IMMP2L: variants seen among roughly 807,000 people sequenced by gnomAD.
The protein encoded by IMMP2L is mitochondrial inner membrane protease subunit 2.
Under a neutral mutation model 19.3 loss-of-function variants are expected in IMMP2L, and 18 were observed. That is an observed-to-expected ratio of 0.93 (90% CI 0.64 to 1.38). IMMP2L has a LOEUF of 1.38. IMMP2L is among the 40% of genes most tolerant of loss of function. The probability of loss-of-function intolerance (pLI) is 0.00; values close to 1 mark genes in which losing one functional copy is unlikely to be tolerated. For missense variants in IMMP2L, 233 were observed against 218.2 expected (o/e 1.07, Z -0.43); for synonymous variants, 76 against 73.0 (o/e 1.04, Z -0.21).
At chr7:110,992,375 C>G (rs1822572046) in intron 3 of IMMP2L, among the ~76,000 whole-genome samples, 1 of 151,760 alleles carries the variant, frequency 6.6e-6, no homozygotes, top group Admixed American at 6.6e-5. Flanking sequence ...CATAACATAA[C>G]TAGATTTGAT....
intron 3 of IMMP2L, among the ~76,000 whole-genome samples, chr7:111,170,521 G>C (rs1748107864): frequency 6.6e-6 from 1 of 151,788 alleles, no homozygotes; most frequent in Admixed American, 6.6e-5. Context: ...AAGAAATAAA[G>C]CCTGTGGCAG....
intron 3 of IMMP2L, among the ~76,000 whole-genome samples, chr7:111,104,722 C>T (rs535705120): frequency 1.3e-5 from 2 of 151,774 alleles, no homozygotes; most frequent in East Asian, 1.9e-4. Flanking sequence ...TTGTCACAAG[C>T]GATGAGATGT....
At chr7:110,798,923 A>G (rs1323887282) in intron 5 of IMMP2L, among the ~76,000 whole-genome samples, 11 of 152,030 alleles carry the variant, frequency 7.2e-5, no homozygotes, top group Admixed American at 7.2e-4. Flanking sequence ...CCTCTTGCAG[A>G]TAATATAGAA....
At chr7:111,214,331 C>CTTTTTTTTT (rs1169450523) in intron 3 of IMMP2L, among the ~76,000 whole-genome samples, 6 of 82,190 alleles carry the variant, frequency 7.3e-5, no homozygotes, top group African/African-American at 2.1e-4. Flanking sequence ...AATTTTTCTT[C>CTTTTTTTTT]TTTTTTTTTT....
At chr7:111,315,259 G>A (rs939440980) in intron 3 of IMMP2L, among the ~76,000 whole-genome samples, 6 of 152,048 alleles carry the variant, frequency 3.9e-5, no homozygotes, top group African/African-American at 1.2e-4. Flanking sequence ...GTCCTGCAGA[G>A]AGAAGTCCAA....
chr7:111,201,278 C>CAA (rs1810078053), intron 3 of IMMP2L, among the ~76,000 whole-genome samples: 5 of 138,048 alleles, frequency 3.6e-5, no homozygotes, highest in African/African-American at 1.2e-4. Flanking sequence ...CGTATCAAAT[C>CAA]CAAAAAAAAA....
chr7:111,297,657 G>A (rs370014727), intron 3 of IMMP2L, among the ~76,000 whole-genome samples: 2 of 152,012 alleles, frequency 1.3e-5, no homozygotes, highest in South Asian at 2.1e-4. Flanking sequence ...TAGAAACAAC[G>A]AAAATATCCA....
At chr7:111,033,275 C>G (rs1791015057) in intron 3 of IMMP2L, among the ~76,000 whole-genome samples, 1 of 152,046 alleles carries the variant, frequency 6.6e-6, no homozygotes, top group African/African-American at 2.4e-5. Context: ...CAATTAGATA[C>G]TATTACACAT....
At chr7:111,314,267 C>T (rs1280620461) in intron 3 of IMMP2L, among the ~76,000 whole-genome samples, 1 of 151,966 alleles carries the variant, frequency 6.6e-6, no homozygotes, top group Admixed American at 6.6e-5. Context: ...TATTTCAGAT[C>T]AGAAAAACAG....
chr7:111,120,448 A>T (rs1800455044), intron 3 of IMMP2L, among the ~76,000 whole-genome samples: 1 of 152,052 alleles, frequency 6.6e-6, no homozygotes, highest in South Asian at 2.1e-4. Flanking sequence ...CATGGGGGAA[A>T]CTGCCCCCAT....
intron 3 of IMMP2L, among the ~76,000 whole-genome samples, chr7:111,030,884 G>GTATATATATA (rs57774530): frequency 8.7e-5 from 11 of 127,112 alleles, no homozygotes; most frequent in East Asian, 5.8e-4. Context: ...GTGTGTGTGT[G>GTATATATATA]TATATATATA....
intron 5 of IMMP2L, among the ~76,000 whole-genome samples, chr7:110,823,907 A>G (rs1323800154): frequency 6.6e-6 from 1 of 152,114 alleles, no homozygotes; most frequent in African/African-American, 2.4e-5. Flanking sequence ...CTGAGAGATC[A>G]GTTGAATATA....
intron 3 of IMMP2L, among the ~76,000 whole-genome samples, chr7:111,075,817 A>G (rs1000576059): frequency 4.6e-5 from 7 of 152,174 alleles, no homozygotes; most frequent in African/African-American, 1.7e-4. Flanking sequence ...TCTGAGCTCC[A>G]TGCTTTTATA....
chr7:111,199,320 C>A (rs1476227897), intron 3 of IMMP2L, among the ~76,000 whole-genome samples: 2 of 151,996 alleles, frequency 1.3e-5, no homozygotes, highest in Admixed American at 6.6e-5. Flanking sequence ...AACTGGACAA[C>A]CTGTCAGTTC....
At chr7:110,824,074 T>A (rs1022695414) in intron 5 of IMMP2L, among the ~76,000 whole-genome samples, 2 of 152,138 alleles carry the variant, frequency 1.3e-5, no homozygotes, top group African/African-American at 4.8e-5. Flanking sequence ...CATAATGCAA[T>A]ACTTACATTA....
rs546828925 is a variant in IMMP2L, at chr7:111,142,987, T to C, written c.240-179422A>G. Among the ~76,000 whole-genome samples, 12 of 152,304 alleles carry C rather than the reference T, an allele frequency of 7.9e-5. No homozygotes were observed. In the South Asian group the frequency reaches 2.3e-3, roughly 29 times the overall value. Reference sequence around the variant, plus strand: ...ACTTTTTTGGAAGTTTAAGAGACTATATATTTACTTTTACTCAGTTGCCAA... The same window carrying C: ...ACTTTTTTGGAAGTTTAAGAGACTACATATTTACTTTTACTCAGTTGCCAA... On this transcript the variant is annotated intron_variant, in intron 3 of 5. Transcript: ENST00000405709.
chr7:111,231,819 A>C (rs1404864093), intron 3 of IMMP2L, among the ~76,000 whole-genome samples: 1 of 151,986 alleles, frequency 6.6e-6, no homozygotes, highest in Non-Finnish European at 1.5e-5. Flanking sequence ...TTCGAATATA[A>C]CTGAAACACT....
intron 3 of IMMP2L, among the ~76,000 whole-genome samples, chr7:111,373,864 T>G (rs1255677293): frequency 1.3e-5 from 2 of 152,078 alleles, no homozygotes; most frequent in Non-Finnish European, 2.9e-5. Context: ...GAATGCATTT[T>G]TAAGTTAAGG....
intron 3 of IMMP2L, among the ~76,000 whole-genome samples, chr7:110,999,022 G>A (rs985363953): frequency 6.6e-6 from 1 of 152,134 alleles, no homozygotes; most frequent in African/African-American, 2.4e-5. Context: ...TGGAGGCCCA[G>A]ATACCATTTT....
Sources: allele counts gnomAD v4.1 joint callset (sites outside exome capture counted in the v4.1 genomes callset), GRCh38; gene constraint gnomAD v4.1.1; transcripts MANE v1.5; gene names NCBI Gene and HGNC (gene_info 2026-07-23, HGNC 2026-07-21).